The following BTBD9 variants were observed in gnomAD, a reference collection of about 807,000 sequenced individuals.
The protein encoded by BTBD9 is BTB/POZ domain-containing protein 9.
Under a neutral mutation model 64.3 loss-of-function variants are expected in BTBD9, and 49 were observed. The observed-to-expected ratio is 0.76, with a 90% CI of 0.61 to 0.97. The LOEUF is 0.97. Ranked by LOEUF, BTBD9 falls within the 50% of genes least tolerant of loss-of-function variation. BTBD9 has a pLI of 0.00. For synonymous variants in BTBD9, 260 were observed against 274.7 expected, an observed-to-expected ratio of 0.95 and a Z score of 0.53; for missense variants, 598 against 762.1, an observed-to-expected ratio of 0.78 and a Z score of 2.53.
At chr6:38,310,553 C>T (rs1195676634) in intron 7 of BTBD9, among the ~76,000 whole-genome samples, 1 of 151,980 alleles carries the variant, frequency 6.6e-6, no homozygotes, top group Non-Finnish European at 1.5e-5. Flanking sequence ...GAAAAAAGTA[C>T]AATAAAAGGT....
Position 38,577,628 on chromosome 6 carries a change from T to C in BTBD9, c.1126A>G (p.Lys376Glu). 1.2e-6 allele frequency: 2 copies of C among 1,609,792 alleles called. No individual in the cohort carries two copies. The highest frequency in any genetic ancestry group is 1.7e-6 in the Non-Finnish European group (2 of 1,179,590). ...HSQYLCRSWQKLYFPARVCRY... is the reference protein window; with the variant it reads ...HSQYLCRSWQELYFPARVCRY... ...CAGACACGGGCTGGAAAATATAATT[T>C]CTGCCAAGAACGACACAGATATTGT... is the stretch of plus-strand genomic sequence containing the variant. The change falls in exon 6 of 11, where the codon AAA (lysine) becomes GAA (glutamate). Residue 376 changes from lysine (K) to glutamate (E), a missense_variant. Coordinates refer to ENST00000481247, the MANE Select transcript of BTBD9 (RefSeq NM_001099272.2).
intron 9 of BTBD9, among the ~76,000 whole-genome samples, chr6:38,254,902 A>G (rs1197296906): frequency 6.6e-6 from 1 of 152,180 alleles, no homozygotes; most frequent in Admixed American, 6.5e-5. Context: ...CAGCAATTCT[A>G]CTCTCAGATA....
intron 9 of BTBD9, among the ~76,000 whole-genome samples, chr6:38,253,114 AAACAACAAC>A (rs376665071): frequency 6.0e-5 from 9 of 151,162 alleles, no homozygotes; most frequent in East Asian, 2.0e-4. Flanking sequence ...ACTCTGTCTC[AAACAACAAC>A]AACAACAACA....
At chr6:38,404,127 G>A (rs1268734056) in intron 6 of BTBD9, among the ~76,000 whole-genome samples, 1 of 152,060 alleles carries the variant, frequency 6.6e-6, no homozygotes. Flanking sequence ...TTCTTTTTAG[G>A]GTGATAAAAA....
chr6:38,438,323 A>G (rs1768849815), intron 6 of BTBD9, among the ~76,000 whole-genome samples: 2 of 152,048 alleles, frequency 1.3e-5, no homozygotes, highest in Non-Finnish European at 2.9e-5. Context: ...CTGCTTTCAC[A>G]TACTTTGGAT....
chr6:38,571,645 A>G (rs1052360619), intron 6 of BTBD9: 1 of 152,182 alleles, frequency 6.6e-6, no homozygotes, highest in Non-Finnish European at 1.5e-5. Flanking sequence ...CAAAGAAAAT[A>G]TTTAGATGTT....
chr6:38,555,855 A>G (rs1287854972), intron 6 of BTBD9, among the ~76,000 whole-genome samples: 1 of 152,058 alleles, frequency 6.6e-6, no homozygotes, highest in African/African-American at 2.4e-5. Flanking sequence ...TATTTCTTGT[A>G]TTTTTGCAAA....
intron 6 of BTBD9, among the ~76,000 whole-genome samples, chr6:38,421,382 G>T (rs1376122157): frequency 6.6e-6 from 1 of 152,056 alleles, no homozygotes; most frequent in African/African-American, 2.4e-5. Flanking sequence ...AAACAAAAAA[G>T]AAAACAGTAA....
intron 6 of BTBD9, among the ~76,000 whole-genome samples, chr6:38,508,473 G>T (rs376432623): frequency 2.2e-4 from 33 of 151,946 alleles, no homozygotes; most frequent in Non-Finnish European, 3.8e-4. Flanking sequence ...TCATTCCCCC[G>T]CCACTGGCAC....
intron 1 of BTBD9, among the ~76,000 whole-genome samples, chr6:38,616,580 T>C (rs1018563846): frequency 6.6e-6 from 1 of 152,112 alleles, no homozygotes; most frequent in Non-Finnish European, 1.5e-5. Context: ...CTTGGGGAAC[T>C]TTCCTGTCTT....
chr6:38,380,711 A>C (rs1765893249), intron 6 of BTBD9, among the ~76,000 whole-genome samples: 1 of 152,100 alleles, frequency 6.6e-6, no homozygotes, highest in African/African-American at 2.4e-5. Flanking sequence ...TGGGAGTGGT[A>C]ATGTGCGCCT....
chr6:38,265,057 C>T (rs1041636651), intron 8 of BTBD9, among the ~76,000 whole-genome samples: 1 of 151,928 alleles, frequency 6.6e-6, no homozygotes, highest in African/African-American at 2.4e-5. Context: ...ATATCTGGGA[C>T]GTGGAGGGTG....
intron 7 of BTBD9, among the ~76,000 whole-genome samples, chr6:38,311,622 G>T (rs1371185930): frequency 9.9e-5 from 15 of 152,102 alleles, no homozygotes; most frequent in Admixed American, 9.8e-4. Flanking sequence ...GTATCATATG[G>T]TAGCTCTATT....
chr6:38,194,029 A>G (rs139145171), intron 9 of BTBD9, among the ~76,000 whole-genome samples: 176 of 151,946 alleles, frequency 1.2e-3, no homozygotes, highest in African/African-American at 4.1e-3. Flanking sequence ...CATGAAGGTG[A>G]CGCCATCTGA....
chr6:38,464,270 A>G (rs1770239503), intron 6 of BTBD9, among the ~76,000 whole-genome samples: 1 of 152,114 alleles, frequency 6.6e-6, no homozygotes, highest in African/African-American at 2.4e-5. Flanking sequence ...CTGTTGTTTC[A>G]TCTATCTAAT....
intron 9 of BTBD9, among the ~76,000 whole-genome samples, chr6:38,255,345 A>G (rs1764538013): frequency 6.6e-6 from 1 of 152,260 alleles, no homozygotes; most frequent in African/African-American, 2.4e-5. Context: ...ATTAGAAAGC[A>G]GTGATGGTTG....
intron 6 of BTBD9, among the ~76,000 whole-genome samples, chr6:38,468,951 A>G (rs1414684360): frequency 2.0e-5 from 3 of 152,214 alleles, no homozygotes; most frequent in African/African-American, 7.2e-5. Flanking sequence ...TCCCCAGAGG[A>G]CAGATTTGGG....
rs550910236 is a variant in BTBD9 at position 38,269,725 on chromosome 6, C to A, written c.1455-13209G>T. On this transcript the variant is annotated intron_variant, in intron 8 of 10. Coordinates refer to ENST00000481247, the MANE Select transcript of BTBD9 (RefSeq NM_001099272.2). ...GGATGTTGTTTCTGTCTCATGAATA[C>A]TCCCCAGAACTGCAGAGTAGCTTCC... 2.0e-5 allele frequency among the ~76,000 whole-genome samples: 3 copies of A among 152,246 alleles called. No individual in the cohort carries two copies. The South Asian group carries it at 6.2e-4, about 32-fold the overall frequency.
intron 6 of BTBD9, among the ~76,000 whole-genome samples, chr6:38,369,868 A>G (rs182861555): frequency 7.2e-5 from 11 of 152,356 alleles, no homozygotes; most frequent in East Asian, 1.9e-4. Context: ...GGGAAGTAAT[A>G]TAAATCTGAA....
Sources: gnomAD v4.1 joint callset for allele counts (sites outside exome capture counted in the v4.1 genomes callset) on GRCh38, gnomAD v4.1.1 for gene constraint, MANE v1.5 for transcripts, NCBI Gene and HGNC (gene_info 2026-07-23, HGNC 2026-07-21) for gene names.